Variants in FHOD3 observed in about 807,000 individuals in gnomAD.
FHOD3 encodes the protein FH1/FH2 domain-containing protein 3.
FHOD3 carries 90 observed loss-of-function variants against 173.0 expected under a neutral mutation model. The observed-to-expected ratio is 0.52, with a 90% CI of 0.44 to 0.62. The LOEUF is 0.62. Ranked by LOEUF, FHOD3 falls within the 20% of genes least tolerant of loss-of-function variation. FHOD3 has a pLI of 0.00. For synonymous variants in FHOD3, 828 were observed against 823.0 expected, an observed-to-expected ratio of 1.01 and a Z score of -0.10; for missense variants, 1,945 against 2,034.7, an observed-to-expected ratio of 0.96 and a Z score of 0.85.
rs564000454 is a variant in FHOD3 at position 36,689,923 on chromosome 18, G to T, written c.2021+2745G>T. Among the ~76,000 whole-genome samples, 5 of 152,274 alleles carry T rather than the reference G, an allele frequency of 3.3e-5. No homozygotes were observed. In the South Asian group the frequency reaches 1.0e-3, roughly 32 times the overall value. On this transcript the variant is annotated intron_variant, in intron 16 of 28. Transcript: ENST00000590592. Reference sequence around the variant, plus strand: ...CTGAGAACAGGGCAGAAGTTAAAGGGAGCCAGAGTTTACTTTAATGTAAGT... The same window carrying T: ...CTGAGAACAGGGCAGAAGTTAAAGGTAGCCAGAGTTTACTTTAATGTAAGT...
At chr18:36,547,579 C>A (rs2057463038) in intron 5 of FHOD3, among the ~76,000 whole-genome samples, 1 of 152,106 alleles carries the variant, frequency 6.6e-6, no homozygotes, top group Non-Finnish European at 1.5e-5. Flanking sequence ...CTGTAACCAT[C>A]TCATTTTAAA....
At chr18:36,479,602 T>C (rs1275437482) in intron 3 of FHOD3, among the ~76,000 whole-genome samples, 2 of 151,612 alleles carry the variant, frequency 1.3e-5, no homozygotes, top group African/African-American at 2.4e-5. Context: ...ATAAAGTATA[T>C]ATATATATAT....
At chr18:36,462,006 T>G (rs1016656569) in intron 3 of FHOD3, among the ~76,000 whole-genome samples, 17 of 152,216 alleles carry the variant, frequency 1.1e-4, no homozygotes, top group Admixed American at 3.9e-4. Context: ...GAACATAGTA[T>G]CCACTGTAGA....
chr18:36,386,223 G>A (rs1256333485), intron 3 of FHOD3, among the ~76,000 whole-genome samples: 3 of 152,118 alleles, frequency 2.0e-5, no homozygotes, highest in African/African-American at 4.8e-5. Flanking sequence ...TTTATGACTT[G>A]TTTGGCCTGG....
At chr18:36,669,168 T>C (rs59448467) in intron 14 of FHOD3, among the ~76,000 whole-genome samples, 12,893 of 151,960 alleles carry the variant, frequency 0.085, 889 homozygotes, top group East Asian at 0.24. Flanking sequence ...TTTACAATTG[T>C]TATATCCTAC....
intron 3 of FHOD3, among the ~76,000 whole-genome samples, chr18:36,464,273 C>T (rs1260257438): frequency 6.6e-6 from 1 of 152,242 alleles, no homozygotes; most frequent in African/African-American, 2.4e-5. Flanking sequence ...TAGCAAAGGA[C>T]AAGTCAGTTA....
At chr18:36,643,352 A>C (rs2035465331) in intron 10 of FHOD3, among the ~76,000 whole-genome samples, 1 of 151,986 alleles carries the variant, frequency 6.6e-6, no homozygotes, top group South Asian at 2.1e-4. Flanking sequence ...GTGTCAGCCC[A>C]CTAGATGCCA....
At chr18:36,528,980 C>T (rs1052966501) in intron 5 of FHOD3, among the ~76,000 whole-genome samples, 7 of 152,180 alleles carry the variant, frequency 4.6e-5, no homozygotes, top group Non-Finnish European at 8.8e-5. Flanking sequence ...CAGGTAGCTG[C>T]TCATGCTCTT....
chr18:36,297,937 C>G lies in FHOD3; in HGVS notation c.102C>G (p.Arg34=). ...EPSRPPLFTF[R]EDLALGTQLA... is the part of the protein sequence containing the mutation. The stretch of plus-strand genomic sequence containing the variant: ...GCCGGCCGCCGCTGTTCACGTTCCG[C>G]GAGGACCTCGCGCTCGGCACCCAGC... The change falls in exon 1 of 29, where the codon CGC becomes CGG. Residue 34 remains arginine (R), a synonymous_variant. Transcript: ENST00000590592. The G allele has an allele frequency of 6.4e-7, 1 of 1,565,848 alleles. No individual in the cohort carries two copies. The highest frequency in any genetic ancestry group is 8.6e-7 in the Non-Finnish European group (1 of 1,156,782).
intron 1 of FHOD3, among the ~76,000 whole-genome samples, chr18:36,336,829 C>A (rs1401639435): frequency 2.1e-4 from 12 of 58,038 alleles, no homozygotes; most frequent in African/African-American, 6.7e-4. Context: ...GCCTGGGCAA[C>A]AAGAGTGAAA....
chr18:36,595,502 C>T (rs569521497), intron 7 of FHOD3, among the ~76,000 whole-genome samples: 2 of 147,926 alleles, frequency 1.4e-5, no homozygotes, highest in Non-Finnish European at 2.9e-5. Flanking sequence ...CTCGGCTGTA[C>T]CCCCACCCCC....
At chr18:36,648,967 A>C (rs1286064897) in intron 10 of FHOD3, among the ~76,000 whole-genome samples, 1 of 152,202 alleles carries the variant, frequency 6.6e-6, no homozygotes, top group Admixed American at 6.5e-5. Flanking sequence ...GTGGAGGAGA[A>C]AAACCACAGA....
intron 10 of FHOD3, among the ~76,000 whole-genome samples, chr18:36,641,742 A>G (rs28404816): frequency 0.071 from 10,790 of 152,092 alleles, 666 homozygotes; most frequent in East Asian, 0.24. Context: ...GATCACTTGA[A>G]GTCAGGAGTT....
intron 10 of FHOD3, among the ~76,000 whole-genome samples, chr18:36,632,381 C>T (rs2034578146): frequency 6.6e-6 from 1 of 152,160 alleles, no homozygotes; most frequent in South Asian, 2.1e-4. Context: ...ATATTCTTTG[C>T]TCATTTGTCT....
intron 5 of FHOD3, among the ~76,000 whole-genome samples, chr18:36,564,018 C>T (rs1420550765): frequency 1.3e-5 from 2 of 152,124 alleles, no homozygotes; most frequent in African/African-American, 4.8e-5. Flanking sequence ...CCTGCATGGG[C>T]CGTCACTAAG....
At chr18:36,640,755 T>C (rs547460157) in intron 10 of FHOD3, among the ~76,000 whole-genome samples, 58 of 151,658 alleles carry the variant, frequency 3.8e-4, no homozygotes, top group African/African-American at 1.4e-3. Context: ...GCTGGTCTTC[T>C]GGGAGCTGTA....
chr18:36,372,816 C>G (rs1205528833), intron 3 of FHOD3, 72 bp downstream of exon 3: 5 of 1,296,576 alleles, frequency 3.9e-6, no homozygotes, highest in Non-Finnish European at 5.5e-6. Flanking sequence ...AATAAAGATT[C>G]ACTGTTATGC....
intron 3 of FHOD3, among the ~76,000 whole-genome samples, chr18:36,470,832 A>T (rs1247379226): frequency 6.6e-6 from 1 of 152,242 alleles, no homozygotes; most frequent in South Asian, 2.1e-4. Flanking sequence ...GAAATGAAAT[A>T]ACAGACAGGG....
intron 17 of FHOD3, among the ~76,000 whole-genome samples, chr18:36,702,848 T>C (rs2039666011): frequency 6.8e-6 from 1 of 146,642 alleles, no homozygotes; most frequent in Non-Finnish European, 1.5e-5. Flanking sequence ...GCGTACACGC[T>C]TAATTCCAGG....
Sources: gnomAD v4.1 joint callset for allele counts (sites outside exome capture counted in the v4.1 genomes callset) on GRCh38, gnomAD v4.1.1 for gene constraint, MANE v1.5 for transcripts, NCBI Gene and HGNC (gene_info 2026-07-23, HGNC 2026-07-21) for gene names.